IQCJ: variants seen among roughly 807,000 people sequenced by gnomAD.
IQCJ encodes IQ motif containing J, also known as IQ domain-containing protein J.
Under a neutral mutation model 11.0 loss-of-function variants are expected in IQCJ, and 9 were observed. That is an observed-to-expected ratio of 0.82 (90% CI 0.49 to 1.43). The LOEUF is 1.43. Ranked by LOEUF, IQCJ falls within the 40% of genes most tolerant of loss-of-function variation. The pLI is 0.00. For synonymous variants in IQCJ, 55 were observed against 51.3 expected (o/e 1.07, Z -0.31); for missense variants, 146 against 133.2 (o/e 1.10, Z -0.47).
In IQCJ at chr3:159,263,553, T is replaced by C. The variant is rs761656943; in HGVS notation, c.*822T>C. Reference sequence around the variant, plus strand: ...AATTTGTAACCAGTCACTGAAATGCTGAAAAGTTAGAGAAATGAAGTAATT... The same window carrying C: ...AATTTGTAACCAGTCACTGAAATGCCGAAAAGTTAGAGAAATGAAGTAATT... On this transcript the variant is annotated 3_prime_UTR_variant, in exon 4 of 4. Transcript: ENST00000397832. The C allele has an allele frequency of 1.6e-5, 16 of 985,216 alleles. No homozygotes were observed. The highest frequency in any genetic ancestry group is 1.9e-5 in the Non-Finnish European group (16 of 829,828). The allele number at this position is 985,216 out of a possible 1,614,324, so 61.0% of individuals were successfully genotyped here. A position where few individuals can be genotyped will look rare whatever the true frequency, so the allele number is the denominator to read the frequency against.
At chr3:159,109,550 G>T in intron 1 of IQCJ, among the ~76,000 whole-genome samples, 1 of 106,482 alleles carries the variant, frequency 9.4e-6, no homozygotes, top group Admixed American at 1.1e-4. Flanking sequence ...AAAAAAACCA[G>T]TTGTCATTTT....
intron 1 of IQCJ, among the ~76,000 whole-genome samples, chr3:159,181,543 C>A (rs1723091608): frequency 6.6e-6 from 1 of 150,970 alleles, no homozygotes; most frequent in Admixed American, 6.6e-5. Flanking sequence ...CCAGGGATTT[C>A]CACAGTCCTC....
At chr3:159,078,019 G>A (rs1023973833) in intron 1 of IQCJ, among the ~76,000 whole-genome samples, 12 of 142,284 alleles carry the variant, frequency 8.4e-5, no homozygotes, top group African/African-American at 3.0e-4. Context: ...AGGGAGCACA[G>A]ACCAAAATGA....
chr3:159,244,704 T>C (rs1261514109), intron 1 of IQCJ, among the ~76,000 whole-genome samples: 4 of 152,156 alleles, frequency 2.6e-5, no homozygotes, highest in Admixed American at 6.5e-5. Context: ...AGTGGGTGAT[T>C]AGGCCACATT....
At chr3:159,201,434 T>G (rs1290325117) in intron 1 of IQCJ, among the ~76,000 whole-genome samples, 1 of 152,118 alleles carries the variant, frequency 6.6e-6, no homozygotes, top group Non-Finnish European at 1.5e-5. Flanking sequence ...ACATTATCAA[T>G]ATTACTAAAA....
chr3:159,217,894 A>G (rs1725320278), intron 1 of IQCJ, among the ~76,000 whole-genome samples: 1 of 152,102 alleles, frequency 6.6e-6, no homozygotes, highest in Non-Finnish European at 1.5e-5. Context: ...TTTGCCCTGA[A>G]TCACACTGGC....
intron 1 of IQCJ, among the ~76,000 whole-genome samples, chr3:159,152,418 G>A (rs1186571469): frequency 2.0e-5 from 3 of 152,128 alleles, no homozygotes; most frequent in Non-Finnish European, 4.4e-5. Flanking sequence ...GAGGGAGGTG[G>A]TATGTGGCTC....
intron 1 of IQCJ, among the ~76,000 whole-genome samples, chr3:159,242,675 C>A (rs1727001981): frequency 6.6e-6 from 1 of 151,374 alleles, no homozygotes; most frequent in South Asian, 2.1e-4. Context: ...TCAATTCTTA[C>A]CACACACCAT....
chr3:159,107,103 T>C (rs1718311913), intron 1 of IQCJ, among the ~76,000 whole-genome samples: 1 of 152,182 alleles, frequency 6.6e-6, no homozygotes, highest in African/African-American at 2.4e-5. Flanking sequence ...AAAACTCTCA[T>C]TCCTTTATCT....
chr3:159,087,123 A>G (rs1214974960), intron 1 of IQCJ, among the ~76,000 whole-genome samples: 1 of 152,184 alleles, frequency 6.6e-6, no homozygotes, highest in Middle Eastern at 3.2e-3. Context: ...AGTTTTTAGC[A>G]TGAAGGGTTG....
intron 1 of IQCJ, among the ~76,000 whole-genome samples, chr3:159,088,998 C>A (rs1169279333): frequency 1.3e-5 from 2 of 151,806 alleles, no homozygotes; most frequent in Non-Finnish European, 2.9e-5. Flanking sequence ...TTAGTTGATG[C>A]AGTTTCTTCC....
chr3:159,227,947 G>A (rs1358286221), intron 1 of IQCJ, among the ~76,000 whole-genome samples: 1 of 152,186 alleles, frequency 6.6e-6, no homozygotes, highest in Non-Finnish European at 1.5e-5. Flanking sequence ...ATAGGGAGAA[G>A]AGGGAAGAGT....
At chr3:159,090,256 G>T (rs145591486) in intron 1 of IQCJ, among the ~76,000 whole-genome samples, 2,737 of 151,830 alleles carry the variant, frequency 0.018, 49 homozygotes, top group Non-Finnish European at 0.029. Context: ...CAGGGGTCAG[G>T]GACCCACTTA....
intron 1 of IQCJ, among the ~76,000 whole-genome samples, chr3:159,193,951 A>T (rs2108047395): frequency 6.6e-6 from 1 of 152,350 alleles, no homozygotes; most frequent in East Asian, 1.9e-4. Context: ...GCTGACTTAC[A>T]TCAAATCCTG....
chr3:159,161,542 C>G (rs1293781054), intron 1 of IQCJ, among the ~76,000 whole-genome samples: 1 of 152,092 alleles, frequency 6.6e-6, no homozygotes, highest in East Asian at 1.9e-4. Flanking sequence ...TAATTCGATC[C>G]CATTTGTCAA....
In IQCJ at chr3:159,262,572, C is replaced by T. The variant is rs1327131372; in HGVS notation, c.180C>T (p.Tyr60=). Residue 60 remains tyrosine (Y), a synonymous_variant, in exon 4 of 4, where the codon TAC becomes TAT. Transcript: ENST00000397832. ...VKIIQRAWRE[Y]LQRQEPLGKR... ...GCATTCAGCGAGCATGGCGAGAGTA[C>T]CTGCAGCGGCAGGAGCCCCTGGGGA... 6.2e-7 allele frequency: 1 copy of T among 1,613,750 alleles called. No homozygotes were observed. Among genetic ancestry groups the T allele is most frequent in the Non-Finnish European group, 8.5e-7 (1 of 1,179,778 alleles).
intron 1 of IQCJ, among the ~76,000 whole-genome samples, chr3:159,159,659 A>T (rs1721723287): frequency 6.6e-6 from 1 of 152,092 alleles, no homozygotes; most frequent in Non-Finnish European, 1.5e-5. Context: ...TATGGTTTGT[A>T]TGTTTTGTTC....
downstream of IQCJ, chr3:159,265,555 C>T: frequency 1.7e-6 from 1 of 601,680 alleles, no homozygotes; most frequent in Non-Finnish European, 2.8e-6. Flanking sequence ...TGTCAGTGAG[C>T]TGTGTCCCTG....
chr3:159,182,938 C>A (rs894049570), intron 1 of IQCJ, among the ~76,000 whole-genome samples: 11 of 151,908 alleles, frequency 7.2e-5, no homozygotes, highest in Non-Finnish European at 1.2e-4. Context: ...CTTTTTCTTT[C>A]TTTGGAGGCA....
Sources: gnomAD v4.1 joint callset for allele counts (sites outside exome capture counted in the v4.1 genomes callset) on GRCh38, gnomAD v4.1.1 for gene constraint, MANE v1.5 for transcripts, NCBI Gene and HGNC (gene_info 2026-07-23, HGNC 2026-07-21) for gene names.